Variants in AP3B1 observed in about 807,000 individuals in gnomAD.
AP3B1 encodes adaptor related protein complex 3 subunit beta 1.
In AP3B1, 61 loss-of-function variants were observed where a neutral mutation model predicts 132.5. The ratio of observed to expected loss-of-function variants is 0.46; its 90% confidence interval spans 0.37 to 0.57. The LOEUF is 0.57. AP3B1 is among the 20% of genes least tolerant of loss of function. The pLI is 0.00. For synonymous variants in AP3B1, 388 were observed against 438.3 expected (o/e 0.89, Z 1.43); for missense variants, 1,120 against 1,289.4 (o/e 0.87, Z 2.01).
intron 19 of AP3B1, among the ~76,000 whole-genome samples, chr5:78,111,746 T>G (rs529396025): frequency 3.3e-4 from 50 of 152,290 alleles, no homozygotes; most frequent in South Asian, 1.2e-3. Context: ...ACCACATGTG[T>G]GTGTATTTTT....
At chr5:78,108,096 A>T (rs1417820767) in intron 20 of AP3B1, among the ~76,000 whole-genome samples, 3 of 152,222 alleles carry the variant, frequency 2.0e-5, no homozygotes, top group African/African-American at 7.2e-5. Flanking sequence ...TATTCAAGGT[A>T]ACTCCTAGGT....
At chr5:78,267,713 C>G in intron 1 of AP3B1, 118 bp from the exon 2 acceptor site, 1 of 625,574 alleles carries the variant, frequency 1.6e-6, no homozygotes. Context: ...ATAACTGCAG[C>G]AAGAAGGTGG....
intron 6 of AP3B1, 22 bp from the exon 7 acceptor site, chr5:78,216,259 A>G: frequency 6.2e-7 from 1 of 1,608,290 alleles, no homozygotes; most frequent in Non-Finnish European, 8.5e-7. Context: ...AGAAATAGTA[A>G]CTTATTAAAA....
chr5:78,007,861 T>G (rs1165857863), intron 26 of AP3B1, among the ~76,000 whole-genome samples: 2 of 152,228 alleles, frequency 1.3e-5, no homozygotes, highest in Non-Finnish European at 2.9e-5. Flanking sequence ...ACACGTGATT[T>G]AGTTTTAGAG....
intron 17 of AP3B1, among the ~76,000 whole-genome samples, chr5:78,127,754 G>A (rs1275338635): frequency 6.6e-6 from 1 of 152,104 alleles, no homozygotes; most frequent in African/African-American, 2.4e-5. Flanking sequence ...TTGAATCTAC[G>A]CGGCTACAAA....
chr5:78,013,147 C>A (rs533282823), intron 26 of AP3B1, among the ~76,000 whole-genome samples: 1 of 151,998 alleles, frequency 6.6e-6, no homozygotes, highest in Non-Finnish European at 1.5e-5. Context: ...TGGGCTCAGG[C>A]GATCCTCCTA....
At chr5:78,247,372 T>A in intron 2 of AP3B1, among the ~76,000 whole-genome samples, 1 of 150,748 alleles carries the variant, frequency 6.6e-6, no homozygotes, top group Non-Finnish European at 1.5e-5. Context: ...GTCAGTTAGG[T>A]CATATAAGTT....
At chr5:78,038,796 C>A (rs780620238) in intron 23 of AP3B1, among the ~76,000 whole-genome samples, 1 of 152,164 alleles carries the variant, frequency 6.6e-6, no homozygotes, top group African/African-American at 2.4e-5. Flanking sequence ...CTCTGCAGAC[C>A]TAGCCTTCCA....
chr5:78,112,342 C>T (rs908833246), intron 19 of AP3B1, among the ~76,000 whole-genome samples: 1 of 152,000 alleles, frequency 6.6e-6, no homozygotes, highest in Admixed American at 6.6e-5. Flanking sequence ...TTTATTATCC[C>T]CAATTCACTG....
intron 21 of AP3B1, among the ~76,000 whole-genome samples, chr5:78,097,138 G>T (rs1429403440): frequency 7.9e-6 from 1 of 126,640 alleles, no homozygotes; most frequent in South Asian, 2.5e-4. Flanking sequence ...CCGGCCAGCC[G>T]CCCCGTCCGG....
chr5:78,178,161 CAGGATAACAGTAACT>C (rs2112407253), intron 8 of AP3B1, among the ~76,000 whole-genome samples: 1 of 152,222 alleles, frequency 6.6e-6, no homozygotes, highest in Admixed American at 6.5e-5. Context: ...TAAATGAAGC[CAGGATAACAGTAACT>C]AGTAGGCTGA....
chr5:78,073,055 T>C (rs1351308655), intron 22 of AP3B1, among the ~76,000 whole-genome samples: 5 of 152,200 alleles, frequency 3.3e-5, no homozygotes, highest in Admixed American at 2.0e-4. Context: ...TGGTTTTTAC[T>C]TTTCTTTGAT....
At chr5:78,248,492 C>CAAAAAAAAAAAAAAAAAAAAAATA in intron 2 of AP3B1, among the ~76,000 whole-genome samples, 1 of 71,356 alleles carries the variant, frequency 1.4e-5, no homozygotes, top group Non-Finnish European at 2.5e-5. Flanking sequence ...GACTCTGTCT[C>CAAAAAAAAAAAAAAAAAAAAAATA]AAAAAAAAAA....
At chr5:78,115,668 C>T (rs1751794090) in intron 18 of AP3B1, among the ~76,000 whole-genome samples, 1 of 151,932 alleles carries the variant, frequency 6.6e-6, no homozygotes, top group South Asian at 2.1e-4. Flanking sequence ...TATATAGAGA[C>T]TTAATAATTT....
chr5:78,212,748 C>G (rs1745794871), intron 7 of AP3B1, among the ~76,000 whole-genome samples: 1 of 152,132 alleles, frequency 6.6e-6, no homozygotes, highest in Non-Finnish European at 1.5e-5. Context: ...TCATCTTAAC[C>G]TTTCTTTACT....
chr5:78,019,002 CAGAA>C (rs980871427), intron 25 of AP3B1, among the ~76,000 whole-genome samples: 1 of 152,034 alleles, frequency 6.6e-6, no homozygotes, highest in Non-Finnish European at 1.5e-5. Context: ...TTCAGGAAGA[CAGAA>C]AGAATGATAC....
intron 13 of AP3B1, among the ~76,000 whole-genome samples, chr5:78,162,309 C>A (rs1386868771): frequency 6.6e-6 from 1 of 152,080 alleles, no homozygotes; most frequent in African/African-American, 2.4e-5. Flanking sequence ...CTTAAAAACA[C>A]AAAGCTGCTC....
At chr5:78,061,589 G>T (rs959194035) in intron 22 of AP3B1, among the ~76,000 whole-genome samples, 1 of 152,152 alleles carries the variant, frequency 6.6e-6, no homozygotes, top group Non-Finnish European at 1.5e-5. Context: ...AACATTTTCT[G>T]GTATAAAACA....
At chr5:78,110,556 T>G (rs182479527) in intron 19 of AP3B1, among the ~76,000 whole-genome samples, 35 of 152,184 alleles carry the variant, frequency 2.3e-4, no homozygotes, top group Admixed American at 1.4e-3. Flanking sequence ...AAAATGACAC[T>G]AAACAATATA....
Sources: allele counts gnomAD v4.1 joint callset (sites outside exome capture counted in the v4.1 genomes callset), GRCh38; gene constraint gnomAD v4.1.1; transcripts MANE v1.5; gene names NCBI Gene and HGNC (gene_info 2026-07-23, HGNC 2026-07-21).